Variants in MCTP2 observed in about 807,000 individuals in gnomAD.
The protein encoded by MCTP2 is multiple C2 and transmembrane domain-containing protein 2.
A neutral mutation model predicts 111.6 loss-of-function variants in MCTP2; 132 were observed. The observed-to-expected ratio is 1.18, with a 90% CI of 1.03 to 1.37. The LOEUF (loss-of-function observed/expected upper bound fraction) is 1.37. Ranked by LOEUF, MCTP2 falls within the 40% of genes most tolerant of loss-of-function variation. The probability of loss-of-function intolerance (pLI) is 0.00; values close to 1 mark genes in which losing one functional copy is unlikely to be tolerated. For synonymous variants in MCTP2, 395 were observed against 387.7 expected (o/e 1.02, Z -0.22); for missense variants, 1,183 against 1,067.9 (o/e 1.11, Z -1.50).
chr15:94,443,981 CAAAA>C (rs58768404), intron 19 of MCTP2, among the ~76,000 whole-genome samples: 88 of 69,400 alleles, frequency 1.3e-3, no homozygotes, highest in Non-Finnish European at 1.5e-3. Flanking sequence ...GATATTTTAC[CAAAA>C]AAAAAAAAAA....
At chr15:94,451,932 G>T (rs1213113319) in intron 19 of MCTP2, among the ~76,000 whole-genome samples, 1 of 152,094 alleles carries the variant, frequency 6.6e-6, no homozygotes, top group Admixed American at 6.6e-5. Context: ...TGAAGCACCT[G>T]GAATATGCTA....
At chr15:94,353,084 TCTC>T (rs1456502431) in intron 8 of MCTP2, among the ~76,000 whole-genome samples, 2 of 152,256 alleles carry the variant, frequency 1.3e-5, no homozygotes, top group South Asian at 2.1e-4. Context: ...AATAAATACT[TCTC>T]CTGCCCTCCC....
intron 8 of MCTP2, among the ~76,000 whole-genome samples, chr15:94,350,742 A>G (rs957402983): frequency 4.6e-5 from 7 of 152,370 alleles, no homozygotes; most frequent in Middle Eastern, 3.4e-3. Flanking sequence ...GCAGGATTAT[A>G]CAAGTAAATC....
chr15:94,301,783 T>G (rs2075627074), intron 2 of MCTP2, among the ~76,000 whole-genome samples: 1 of 152,150 alleles, frequency 6.6e-6, no homozygotes, highest in African/African-American at 2.4e-5. Context: ...AGGTGTAAAC[T>G]TTTTGGCTGA....
At chr15:94,459,118 C>T (rs2152527243) in intron 20 of MCTP2, among the ~76,000 whole-genome samples, 1 of 152,168 alleles carries the variant, frequency 6.6e-6, no homozygotes, top group Non-Finnish European at 1.5e-5. Flanking sequence ...TAATTTTTTT[C>T]CTTTGAATTA....
intron 1 of MCTP2, among the ~76,000 whole-genome samples, chr15:94,284,834 G>A (rs1356853371): frequency 2.0e-5 from 3 of 152,146 alleles, no homozygotes; most frequent in Non-Finnish European, 4.4e-5. Flanking sequence ...ATGAAAAATA[G>A]CAGGGTTAGA....
chr15:94,331,980 G>C (rs2077153016), intron 4 of MCTP2, among the ~76,000 whole-genome samples: 1 of 152,174 alleles, frequency 6.6e-6, no homozygotes, highest in Non-Finnish European at 1.5e-5. Context: ...AAGAAAGATG[G>C]GCCATGATAA....
chr15:94,464,257 T>TATATATATATATATATATA (rs4001978), intron 20 of MCTP2, among the ~76,000 whole-genome samples: 1 of 44,968 alleles, frequency 2.2e-5, no homozygotes, highest in African/African-American at 6.0e-5. Flanking sequence ...TATATATATA[T>TATATATATATATATATATA]TATATATATA....
intron 1 of MCTP2, among the ~76,000 whole-genome samples, chr15:94,243,171 G>A (rs553457425): frequency 6.2e-5 from 8 of 129,702 alleles, no homozygotes; most frequent in East Asian, 4.5e-4. Context: ...ATATACATAC[G>A]TACGTATGTA....
chr15:94,255,947 C>T (rs1567284292), intron 1 of MCTP2, among the ~76,000 whole-genome samples: 1 of 152,126 alleles, frequency 6.6e-6, no homozygotes, highest in Admixed American at 6.5e-5. Context: ...TGATTTTTAG[C>T]AGGGATGACT....
chr15:94,447,851 C>G (rs922618899), intron 19 of MCTP2, among the ~76,000 whole-genome samples: 5 of 152,176 alleles, frequency 3.3e-5, no homozygotes, highest in African/African-American at 1.2e-4. Context: ...ACACACTCAC[C>G]TTCAGGGATA....
rs143610913 is a variant in MCTP2 at position 94,371,026 on chromosome 15, A to C, written c.1582+846A>C. Among the ~76,000 whole-genome samples, 4 of 152,220 alleles carry C rather than the reference A, an allele frequency of 2.6e-5. No individual in the cohort carries two copies. In the East Asian group the frequency reaches 5.8e-4, roughly 22 times the overall value. On this transcript the variant is annotated intron_variant, in intron 12 of 22. Coordinates refer to ENST00000357742, the MANE Select transcript of MCTP2 (RefSeq NM_001385001.1). Reference sequence around the variant, plus strand: ...TTCACTATATTCGTACAGCCTCTAAATTTCTGAGACTGAGTTTGAGGAAGT... The same window carrying C: ...TTCACTATATTCGTACAGCCTCTAACTTTCTGAGACTGAGTTTGAGGAAGT...
chr15:94,322,923 G>A (rs2076692795), intron 4 of MCTP2, among the ~76,000 whole-genome samples: 1 of 152,146 alleles, frequency 6.6e-6, no homozygotes. Flanking sequence ...GGAAGTTTTT[G>A]GTGACTTTGC....
chr15:94,326,813 G>GCCCC (rs1358678233), intron 4 of MCTP2, among the ~76,000 whole-genome samples: 63 of 39,048 alleles, frequency 1.6e-3, no homozygotes, highest in African/African-American at 3.1e-3. Context: ...GGTGATCCCC[G>GCCCC]CCCCACCCCC....
chr15:94,390,116 A>ATC (rs2080860809), intron 14 of MCTP2, among the ~76,000 whole-genome samples: 1 of 49,128 alleles, frequency 2.0e-5, no homozygotes, highest in Non-Finnish European at 6.5e-5. Context: ...ATATATATGT[A>ATC]TATATATATA....
intron 1 of MCTP2, among the ~76,000 whole-genome samples, chr15:94,232,157 C>A (rs1378756357): frequency 6.6e-6 from 1 of 152,202 alleles, no homozygotes; most frequent in Non-Finnish European, 1.5e-5. Context: ...CTCAATCCCA[C>A]TGAAGATAAG....
At chr15:94,421,117 G>A (rs2082610416) in intron 17 of MCTP2, among the ~76,000 whole-genome samples, 1 of 148,380 alleles carries the variant, frequency 6.7e-6, no homozygotes, top group Non-Finnish European at 1.5e-5. Context: ...TTTTAGCAAT[G>A]AACTGTTTTT....
intron 17 of MCTP2, among the ~76,000 whole-genome samples, chr15:94,418,566 C>A (rs1292473027): frequency 1.3e-5 from 2 of 152,068 alleles, no homozygotes; most frequent in South Asian, 2.1e-4. Flanking sequence ...GCCAATAGTG[C>A]AGCACATTAG....
In MCTP2 at chr15:94,339,306, T is replaced by A. The variant is rs533818408; in HGVS notation, c.654T>A (p.Tyr218Ter). The stretch of plus-strand genomic sequence containing the variant: ...CTTTTAAAGGCACAAGTGATCCTTA[T>A]GTGAAATTTAAGCTGAATGGGAAGA... The part of the protein sequence containing the change: ...VRDRCGTSDP[Y>*]VKFKLNGKTL... The change falls in exon 5 of 23, where the codon TAT (tyrosine) becomes TAA (stop). Residue 218 changes from tyrosine to a stop codon, truncating the protein, a stop_gained. Coordinates refer to ENST00000357742, the MANE Select transcript of MCTP2 (RefSeq NM_001385001.1). LOFTEE classifies it high-confidence loss of function. The A allele has an allele frequency of 6.2e-7, 1 of 1,605,852 alleles. No homozygotes were observed. The highest frequency in any genetic ancestry group is 2.2e-5 in the East Asian group (1 of 44,832).
Sources: gnomAD v4.1 joint callset for allele counts (sites outside exome capture counted in the v4.1 genomes callset) on GRCh38, gnomAD v4.1.1 for gene constraint, MANE v1.5 for transcripts, NCBI Gene and HGNC (gene_info 2026-07-23, HGNC 2026-07-21) for gene names.